The following VPS8 variants were observed in gnomAD, a reference collection of about 807,000 sequenced individuals.
The protein encoded by VPS8 is VPS8 subunit of CORVET complex.
Under a neutral mutation model 216.4 loss-of-function variants are expected in VPS8, and 129 were observed. That is an observed-to-expected ratio of 0.60 (90% CI 0.52 to 0.69). The LOEUF (loss-of-function observed/expected upper bound fraction) is 0.69. VPS8 is among the 30% of genes least tolerant of loss of function. The pLI is 0.00. For missense variants in VPS8, 1,531 were observed against 1,683.5 expected, an observed-to-expected ratio of 0.91 and a Z score of 1.59; for synonymous variants, 571 against 565.4, an observed-to-expected ratio of 1.01 and a Z score of -0.14.
At chr3:184,985,046 A>G (rs1481285585) in intron 42 of VPS8, among the ~76,000 whole-genome samples, 2 of 152,166 alleles carry the variant, frequency 1.3e-5, no homozygotes, top group Non-Finnish European at 2.9e-5. Context: ...CCCACTAATC[A>G]GGAAGGTATG....
At chr3:184,978,273 C>G (rs1304050210) in intron 40 of VPS8, among the ~76,000 whole-genome samples, 1 of 151,938 alleles carries the variant, frequency 6.6e-6, no homozygotes, top group Non-Finnish European at 1.5e-5. Flanking sequence ...TTCTGGGGGT[C>G]AGTGTTAATG....
At chr3:184,939,111 G>A (rs758677608) in intron 35 of VPS8, among the ~76,000 whole-genome samples, 9 of 151,090 alleles carry the variant, frequency 6.0e-5, no homozygotes, top group Non-Finnish European at 1.0e-4. Flanking sequence ...TTATTGCATA[G>A]CTTTATAAAT....
intron 35 of VPS8, among the ~76,000 whole-genome samples, chr3:184,938,649 CTTT>C (rs113635324): frequency 7.1e-6 from 1 of 140,724 alleles, no homozygotes; most frequent in Non-Finnish European, 1.5e-5. Context: ...TTCTTTTTTT[CTTT>C]TTTTTTTTTT....
At chr3:184,928,561 T>A in intron 32 of VPS8, 28 bp downstream of exon 32, 1 of 1,419,226 alleles carries the variant, frequency 7.0e-7, no homozygotes, top group Middle Eastern at 1.9e-4. Flanking sequence ...TGTATATTAG[T>A]TTGCCATAGA....
At chr3:184,948,451 A>G (rs1744082447) in intron 36 of VPS8, among the ~76,000 whole-genome samples, 1 of 152,126 alleles carries the variant, frequency 6.6e-6, no homozygotes, top group Admixed American at 6.5e-5. Flanking sequence ...AGGAGTTTGA[A>G]GTTAACAGTG....
rs918854175 is a variant in VPS8, at chr3:184,882,031, GT to G, written c.1735-4068del. ...CTCATGTCATCTGCCAACAGAGACA[GT>G]TTTTTTTTTTCTTTCCCAATCTGTG... On this transcript the variant is annotated intron_variant, in intron 21 of 47. Coordinates refer to ENST00000625842, the MANE Select transcript of VPS8 (RefSeq NM_001009921.3). 7.6e-3 allele frequency among the ~76,000 whole-genome samples: 1,119 copies of G among 146,788 alleles called. 7 individuals are homozygous for G. Among genetic ancestry groups the G allele is most frequent in the African/African-American group, 0.025 (1,026 of 40,388 alleles).
At chr3:184,889,873 C>T (rs998581184) in intron 22 of VPS8, among the ~76,000 whole-genome samples, 4 of 152,060 alleles carry the variant, frequency 2.6e-5, no homozygotes, top group Non-Finnish European at 4.4e-5. Context: ...TTGAATAAGC[C>T]GTTTGATCAA....
intron 21 of VPS8, among the ~76,000 whole-genome samples, chr3:184,874,993 C>G (rs1407969122): frequency 1.3e-5 from 2 of 149,990 alleles, no homozygotes; most frequent in Non-Finnish European, 3.0e-5. Context: ...ATTTATGCAT[C>G]TCTTATTATG....
At chr3:184,999,354 C>T (rs1311590600) in intron 44 of VPS8, among the ~76,000 whole-genome samples, 1 of 152,226 alleles carries the variant, frequency 6.6e-6, no homozygotes, top group African/African-American at 2.4e-5. Flanking sequence ...CCACCACGCC[C>T]AGCCCCCAGT....
intron 25 of VPS8, among the ~76,000 whole-genome samples, chr3:184,910,452 A>C (rs916115939): frequency 6.6e-6 from 1 of 152,146 alleles, no homozygotes; most frequent in Non-Finnish European, 1.5e-5. Flanking sequence ...CCGCTTCTCC[A>C]AGTGAAGGAA....
intron 46 of VPS8, among the ~76,000 whole-genome samples, chr3:185,033,654 G>A (rs1393556801): frequency 1.3e-5 from 2 of 152,186 alleles, no homozygotes; most frequent in African/African-American, 4.8e-5. Flanking sequence ...CATGATTGCT[G>A]GATTATATGG....
At chr3:184,876,379 T>C (rs1468045740) in intron 21 of VPS8, among the ~76,000 whole-genome samples, 22 of 152,056 alleles carry the variant, frequency 1.4e-4, no homozygotes, top group Admixed American at 1.4e-3. Context: ...TTCCCAGGCC[T>C]ACTGAATCAG....
At chr3:184,917,938 A>G in intron 28 of VPS8, among the ~76,000 whole-genome samples, 1 of 152,154 alleles carries the variant, frequency 6.6e-6, no homozygotes, top group East Asian at 1.9e-4. Context: ...CTGTTGGTTT[A>G]GGCACACGTC....
intron 7 of VPS8, among the ~76,000 whole-genome samples, chr3:184,840,833 T>C (rs1722013030): frequency 6.6e-6 from 1 of 152,184 alleles, no homozygotes; most frequent in South Asian, 2.1e-4. Flanking sequence ...TGAGACACTG[T>C]ATTTAGTAAG....
At chr3:184,917,215 A>G (rs1390701351) in intron 28 of VPS8, among the ~76,000 whole-genome samples, 1 of 152,208 alleles carries the variant, frequency 6.6e-6, no homozygotes, top group African/African-American at 2.4e-5. Context: ...AAAACATTGT[A>G]GGCAGAGGGC....
chr3:184,831,697 C>T (rs1720017234), intron 3 of VPS8, among the ~76,000 whole-genome samples: 1 of 152,200 alleles, frequency 6.6e-6, no homozygotes, highest in African/African-American at 2.4e-5. Flanking sequence ...CCCATCCGTA[C>T]TCCTACTCAA....
chr3:184,961,721 CTT>C (rs34091156), intron 37 of VPS8, among the ~76,000 whole-genome samples: 91,241 of 143,792 alleles, frequency 0.63, 29,479 homozygotes, highest in Middle Eastern at 0.75. Flanking sequence ...TATAAGTTGC[CTT>C]TTTTTTTTTT....
At chr3:184,988,031 G>A (rs909539485) in intron 42 of VPS8, among the ~76,000 whole-genome samples, 1 of 152,146 alleles carries the variant, frequency 6.6e-6, no homozygotes, top group Non-Finnish European at 1.5e-5. Context: ...TTGTTGTTGG[G>A]TTTTAAGGAT....
At chr3:184,857,276 C>G (rs1176708796) in intron 14 of VPS8, among the ~76,000 whole-genome samples, 6 of 152,196 alleles carry the variant, frequency 3.9e-5, no homozygotes, top group Non-Finnish European at 1.5e-5. Context: ...TCTGGCCAGC[C>G]GTCTGTTTTT....
Sources: allele counts gnomAD v4.1 joint callset (sites outside exome capture counted in the v4.1 genomes callset), GRCh38; gene constraint gnomAD v4.1.1; transcripts MANE v1.5; gene names NCBI Gene and HGNC (gene_info 2026-07-23, HGNC 2026-07-21).